Variants in PRMT2 observed in about 807,000 individuals in gnomAD.
PRMT2 encodes the protein protein arginine methyltransferase 2, also known as protein arginine N-methyltransferase 2.
A neutral mutation model predicts 57.6 loss-of-function variants in PRMT2; 26 were observed. The observed-to-expected ratio is 0.45, with a 90% CI of 0.33 to 0.63. The LOEUF (loss-of-function observed/expected upper bound fraction) is 0.63. PRMT2 is among the 20% of genes least tolerant of loss of function. PRMT2 has a pLI of 0.02. For missense variants in PRMT2, 472 were observed against 564.4 expected (o/e 0.84, Z 1.66); for synonymous variants, 219 against 220.0 (o/e 1.00, Z 0.04).
chr21:46,638,037 C>G (rs1005511074), intron 3 of PRMT2, among the ~76,000 whole-genome samples: 1 of 152,210 alleles, frequency 6.6e-6, no homozygotes, highest in Non-Finnish European at 1.5e-5. Context: ...TCTTCTCTCT[C>G]TAGAGGCAAA....
chr21:46,636,603 C>T (rs896886721), intron 2 of PRMT2, 56 bp downstream of exon 2: 1 of 237,330 alleles, frequency 4.2e-6, no homozygotes. Flanking sequence ...TTAATGAATA[C>T]TGATTTATTG....
chr21:46,643,735 G>T, intron 4 of PRMT2, 96 bp downstream of exon 4: 1 of 1,414,536 alleles, frequency 7.1e-7, no homozygotes, highest in Non-Finnish European at 9.4e-7. Flanking sequence ...GTTAAATGAA[G>T]AGGTATTCAG....
At chr21:46,640,289 C>T (rs80109675) in intron 3 of PRMT2, among the ~76,000 whole-genome samples, 15,359 of 152,010 alleles carry the variant, frequency 0.1, 913 homozygotes, top group African/African-American at 0.13. Flanking sequence ...TATGTTTCCC[C>T]ACATATTATT....
At chr21:46,645,173 G>A (rs1306233686) in intron 5 of PRMT2, among the ~76,000 whole-genome samples, 2 of 416 alleles carry the variant, frequency 4.8e-3, no homozygotes, top group Non-Finnish European at 0.012. Context: ...AGGCTGAAGT[G>A]GGAGGATTGC....
intron 7 of PRMT2, chr21:46,651,694 G>A (rs763800184): frequency 1.2e-5 from 15 of 1,241,594 alleles, no homozygotes; most frequent in Non-Finnish European, 1.6e-5. Flanking sequence ...GGCTGCAAGA[G>A]TTCCTATGGC....
At chr21:46,637,773 ATGTGTGTG>A (rs753187692) in intron 3 of PRMT2, among the ~76,000 whole-genome samples, 1,759 of 151,186 alleles carry the variant, frequency 0.012, 28 homozygotes, top group African/African-American at 0.041. Context: ...ATATACATAT[ATGTGTGTG>A]TGTGTGTGTA....
At chr21:46,641,811 C>T (rs2061281189) in intron 3 of PRMT2, among the ~76,000 whole-genome samples, 2 of 151,332 alleles carry the variant, frequency 1.3e-5, no homozygotes, top group African/African-American at 4.9e-5. Flanking sequence ...GGCCGCACAC[C>T]GGGGGGTTAG....
intron 7 of PRMT2, chr21:46,657,165 C>T (rs2061553059): frequency 6.6e-6 from 1 of 152,128 alleles, no homozygotes; most frequent in South Asian, 2.1e-4. Context: ...GTAATACCAA[C>T]TGTCATCGAG....
In PRMT2 at chr21:46,653,483, G is replaced by A. The variant is rs763693260; in HGVS notation, c.654+3744G>A. ...TTATTTACACAACAAGAGGATAAGC[G>A]TAAACACGGGCACTTTCAGTTTGTG... On this transcript the variant is annotated intron_variant, in intron 7 of 11. Transcript: ENST00000355680. 42 of 1,009,454 alleles carry A rather than the reference G, an allele frequency of 4.2e-5. No individual in the cohort carries two copies. In the South Asian group the frequency reaches 1.2e-3, roughly 28 times the overall value. The allele number at this position is 1,009,454 out of a possible 1,614,324, so 62.5% of individuals were successfully genotyped here.
chr21:46,663,164 T>G (rs1015558625), intron 10 of PRMT2, among the ~76,000 whole-genome samples: 3 of 152,210 alleles, frequency 2.0e-5, no homozygotes, highest in Admixed American at 1.3e-4. Context: ...TCCCAGTGTA[T>G]CCCATAGAGT....
intron 3 of PRMT2, among the ~76,000 whole-genome samples, chr21:46,641,684 T>C (rs919958352): frequency 1.6e-4 from 24 of 150,722 alleles, no homozygotes; most frequent in African/African-American, 5.9e-4. Flanking sequence ...AGAGCGAGAC[T>C]CCATCCTAAA....
At position 46,652,322 on chromosome 21, in the gene PRMT2, C is replaced by T. The variant is rs140917250; in HGVS notation, c.654+2583C>T. 6,013 of 1,227,702 alleles carry T rather than the reference C, an allele frequency of 4.9e-3. 15 individuals carry two copies. The highest frequency in any genetic ancestry group is 5.8e-3 in the Non-Finnish European group (5,649 of 977,100). 76.1% of individuals were successfully genotyped at this position (1,227,702 alleles called of 1,614,324 possible). ...AAATAAAATACTTGACAAAAAATTC[C>T]CCTTCATACATTAGCACAGCTAAAA... On this transcript the variant is annotated intron_variant, in intron 7 of 11. Transcript: ENST00000355680.
chr21:46,662,781 C>T (rs898241360), intron 10 of PRMT2, among the ~76,000 whole-genome samples: 2 of 152,198 alleles, frequency 1.3e-5, no homozygotes, highest in Non-Finnish European at 2.9e-5. Flanking sequence ...ATGTTTCCAA[C>T]GCAACCCAGT....
chr21:46,644,396 A>G lies in PRMT2; in HGVS notation c.235A>G (p.Ile79Val), dbSNP rs764213257. Residue 79 changes from isoleucine (I) to valine (V), a missense_variant, in exon 5 of 12, where the codon ATT becomes GTT. By Grantham distance (29) the Ile-to-Val change is conservative (BLOSUM62 3). Coordinates refer to ENST00000355680, the MANE Select transcript of PRMT2 (RefSeq NM_206962.4). ...TGAGCGTGCGGGCTGCTGTGGGTAC[A>G]TTCCGGCAAACCATGTGGGGAAGCA... ...WGERAGCCGY[I>V]PANHVGKHVD... 8.7e-6 allele frequency: 14 copies of G among 1,612,168 alleles called. No individual in the cohort carries two copies. In the South Asian group the frequency reaches 1.4e-4, roughly 16 times the overall value.
intron 8 of PRMT2, chr21:46,659,717 C>T (rs1352820498): frequency 1.0e-6 from 1 of 964,786 alleles, no homozygotes; most frequent in Non-Finnish European, 1.2e-6. Flanking sequence ...GGCTGCCCAC[C>T]CCAGTCACTG....
At chr21:46,656,905 A>G (rs975193628) in intron 7 of PRMT2, 3 of 152,358 alleles carry the variant, frequency 2.0e-5, no homozygotes, top group Middle Eastern at 3.4e-3. Context: ...AGGAGAAAAT[A>G]TTGCAAAGAA....
intron 10 of PRMT2, among the ~76,000 whole-genome samples, chr21:46,662,936 C>A (rs1224621368): frequency 6.6e-6 from 1 of 152,188 alleles, no homozygotes; most frequent in Non-Finnish European, 1.5e-5. Flanking sequence ...GCCTCTGCAG[C>A]TTAGGCAAGG....
rs750595030 is a variant in PRMT2, at chr21:46,658,893, C to T, written c.803C>T (p.Ala268Val). Residue 268 changes from alanine to valine, a missense_variant, in exon 8 of 12, where the codon GCG (alanine) becomes GTG (valine). This residue lies in a region of PRMT2 where 229 missense variants were observed against 217.2 expected (regional missense o/e 1.05). Coordinates refer to ENST00000355680, the MANE Select transcript of PRMT2 (RefSeq NM_206962.4). Reference sequence around the variant, plus strand: ...AGCAAGGTGCTCTTCTGGGACAACGCGTACGAGTTCAACCTCAGCGCTCTG... The same window carrying T: ...AGCAAGGTGCTCTTCTGGGACAACGTGTACGAGTTCAACCTCAGCGCTCTG... ...YRSKVLFWDN[A>V]YEFNLSALKS... 3 of 1,614,010 alleles carry T rather than the reference C, an allele frequency of 1.9e-6. No homozygotes were observed. The highest frequency in any genetic ancestry group is 1.3e-5 in the African/African-American group (1 of 74,932).
At chr21:46,641,167 T>C (rs2061267250) in intron 3 of PRMT2, among the ~76,000 whole-genome samples, 1 of 151,008 alleles carries the variant, frequency 6.6e-6, no homozygotes, top group Non-Finnish European at 1.5e-5. Flanking sequence ...TGGCATTCTA[T>C]CCTGCAGAAA....
Sources: gnomAD v4.1 joint callset for allele counts (sites outside exome capture counted in the v4.1 genomes callset) on GRCh38, gnomAD v4.1.1 for gene constraint, gnomAD v4.1.1 regional missense constraint, MANE v1.5 for transcripts, NCBI Gene and HGNC (gene_info 2026-07-23, HGNC 2026-07-21) for gene names.